The following HABP2 variants were observed in gnomAD, a reference collection of about 807,000 sequenced individuals.
HABP2 encodes hyaluronan binding protein 2.
Under a neutral mutation model 66.5 loss-of-function variants are expected in HABP2, and 65 were observed. That is an observed-to-expected ratio of 0.98 (90% CI 0.80 to 1.20). The LOEUF (loss-of-function observed/expected upper bound fraction) is 1.20, where lower values mean the gene tolerates loss of function less well. Among genes scored for constraint, HABP2 ranks in the 50% most tolerant of loss-of-function variants. The probability of loss-of-function intolerance (pLI) is 0.00; values close to 1 mark genes in which losing one functional copy is unlikely to be tolerated. For missense variants in HABP2, 786 were observed against 691.0 expected (o/e 1.14, Z -1.54); for synonymous variants, 263 against 253.9 (o/e 1.04, Z -0.34).
chr10:113,575,650 G>T (rs975531352), intron 3 of HABP2, among the ~76,000 whole-genome samples: 3 of 152,176 alleles, frequency 2.0e-5, no homozygotes, highest in Non-Finnish European at 4.4e-5. Context: ...AAGCCAGGCC[G>T]AGGGGAGACA....
At chr10:113,565,559 C>T (rs1469187436) in intron 1 of HABP2, among the ~76,000 whole-genome samples, 1 of 152,198 alleles carries the variant, frequency 6.6e-6, no homozygotes, top group African/African-American at 2.4e-5. Context: ...ACCTTGCTTA[C>T]CCTGAGGGTG....
chr10:113,579,298 A>T (rs1845476026), intron 7 of HABP2, among the ~76,000 whole-genome samples: 1 of 152,000 alleles, frequency 6.6e-6, no homozygotes, highest in Non-Finnish European at 1.5e-5. Flanking sequence ...CTAATGTTCC[A>T]TGTGTCATGT....
intron 12 of HABP2, among the ~76,000 whole-genome samples, chr10:113,587,778 T>C (rs1592704738): frequency 6.6e-6 from 1 of 152,220 alleles, no homozygotes; most frequent in East Asian, 1.9e-4. Flanking sequence ...AACTGAGGCC[T>C]AAGGTCACAT....
chr10:113,574,768 AG>A (rs1229953693), intron 3 of HABP2, among the ~76,000 whole-genome samples: 1 of 152,242 alleles, frequency 6.6e-6, no homozygotes, highest in Non-Finnish European at 1.5e-5. Context: ...TCAGACCCTA[AG>A]GATGCAGGAA....
rs188680643 is a variant in HABP2, at chr10:113,568,870, C to T, written c.106+1345C>T. On this transcript the variant is annotated intron_variant, in intron 2 of 12. Coordinates refer to ENST00000351270, the MANE Select transcript of HABP2 (RefSeq NM_004132.5). Reference sequence around the variant, plus strand: ...ACTCAAGGGCCCTTGACTTTACTGCCAGCTGCCAGAAAGTTGTAAGAGACA... The same window carrying T: ...ACTCAAGGGCCCTTGACTTTACTGCTAGCTGCCAGAAAGTTGTAAGAGACA... Among the ~76,000 whole-genome samples the T allele has an allele frequency of 2.6e-5, 4 of 152,304 alleles. No homozygotes were observed. The East Asian group carries it at 7.7e-4, about 29-fold the overall frequency.
intron 2 of HABP2, among the ~76,000 whole-genome samples, chr10:113,570,572 A>T (rs1845287504): frequency 6.6e-6 from 1 of 152,230 alleles, no homozygotes; most frequent in Non-Finnish European, 1.5e-5. Context: ...ACCAAAATTT[A>T]TGGCAGGCTA....
At chr10:113,579,696 G>A (rs1845483072) in intron 7 of HABP2, among the ~76,000 whole-genome samples, 1 of 151,972 alleles carries the variant, frequency 6.6e-6, no homozygotes, top group Non-Finnish European at 1.5e-5. Flanking sequence ...TGAGTCAGAT[G>A]AGTTGCAGGT....
chr10:113,572,854 A>C (rs1457860465), intron 2 of HABP2: 1 of 248,202 alleles, frequency 4.0e-6, no homozygotes, highest in Non-Finnish European at 8.3e-6. Context: ...AAGAAACCAG[A>C]GTTGGCGTAT....
chr10:113,571,428 T>C (rs2133763186), intron 2 of HABP2, among the ~76,000 whole-genome samples: 1 of 151,896 alleles, frequency 6.6e-6, no homozygotes, highest in Non-Finnish European at 1.5e-5. Context: ...AGATACAGAG[T>C]CGAGAGAGAA....
intron 3 of HABP2, among the ~76,000 whole-genome samples, chr10:113,574,671 C>T (rs904438667): frequency 3.9e-5 from 6 of 152,164 alleles, no homozygotes; most frequent in African/African-American, 9.7e-5. Context: ...CAAGGTCATG[C>T]AGCAAGTTAA....
At chr10:113,587,502 AATCT>A (rs5788028) in intron 12 of HABP2, among the ~76,000 whole-genome samples, 54,820 of 151,784 alleles carry the variant, frequency 0.36, 10,071 homozygotes, top group Admixed American at 0.46. Context: ...ATAAAATGGA[AATCT>A]ATCTATAAGA....
In HABP2 at chr10:113,589,198, TTCCTTTTC is replaced by T; in HGVS notation, c.*830_*837del. The T allele has an allele frequency of 1.3e-6, 1 of 756,460 alleles. No homozygotes were observed. The highest frequency in any genetic ancestry group is 2.7e-5 in the Admixed American group (1 of 37,182). 46.9% of individuals were successfully genotyped at this position (756,460 alleles called of 1,614,324 possible). A position where few individuals can be genotyped will look rare whatever the true frequency, so the allele number is the denominator to read the frequency against. ...AGCATTTAACAGGCTCACCCTCCCT[TTCCTTTTC>T]CCCTCTTCTACCCTCCCCAAGAAAA... On this transcript the variant is annotated 3_prime_UTR_variant, in exon 13 of 13. Transcript: ENST00000351270.
In HABP2 at chr10:113,574,400, A is replaced by G; in HGVS notation, c.218A>G (p.Gln73Arg). 7 of 1,480,932 alleles carry G rather than the reference A, an allele frequency of 4.7e-6. No individual in the cohort carries two copies. Among genetic ancestry groups the G allele is most frequent in the Non-Finnish European group, 6.6e-6 (7 of 1,057,394 alleles). 91.7% of individuals were successfully genotyped at this position (1,480,932 alleles called of 1,614,324 possible). A position where few individuals can be genotyped will look rare whatever the true frequency, so the allele number is the denominator to read the frequency against. Residue 73 changes from glutamine to arginine, a missense_variant, in exon 3 of 13, where the codon CAA becomes CGA. By Grantham distance (43) the Gln-to-Arg change is conservative (BLOSUM62 1). Coordinates refer to ENST00000351270, the MANE Select transcript of HABP2 (RefSeq NM_004132.5). ...CCTGACTGGTACTACACTGAGGACC[A>G]AGCTGGTAGGTACCAAATCTCTTTC... is the stretch of plus-strand genomic sequence containing the variant. ...ENPDWYYTED[Q>R]ADPCQPNPCE...
chr10:113,566,220 C>A (rs1343663407), intron 1 of HABP2, among the ~76,000 whole-genome samples: 4 of 152,192 alleles, frequency 2.6e-5, no homozygotes, highest in Non-Finnish European at 5.9e-5. Flanking sequence ...CAGGGTTCAG[C>A]AAACTTTGTA....
intron 1 of HABP2, among the ~76,000 whole-genome samples, chr10:113,561,206 G>T (rs1455848555): frequency 1.3e-5 from 2 of 152,152 alleles, no homozygotes; most frequent in Non-Finnish European, 2.9e-5. Context: ...GGTGGGGAGT[G>T]TATACGTCTA....
chr10:113,553,057 C>G lies in HABP2; in HGVS notation c.-65C>G, dbSNP rs185066511. Reference sequence around the variant, plus strand: ...TCCTTGGAGACTGACATTTTTCCCCCCTAAAGGCATAGACAACAAAAGAAA... The same window carrying G: ...TCCTTGGAGACTGACATTTTTCCCCGCTAAAGGCATAGACAACAAAAGAAA... On this transcript the variant is annotated 5_prime_UTR_variant, in exon 1 of 13. Transcript: ENST00000351270. 58 of 1,198,990 alleles carry G rather than the reference C, an allele frequency of 4.8e-5. No individual in the cohort carries two copies. In the East Asian group the frequency reaches 8.4e-4, roughly 17 times the overall value. The allele number at this position is 1,198,990 out of a possible 1,614,324, so 74.3% of individuals were successfully genotyped here.
intron 12 of HABP2, among the ~76,000 whole-genome samples, chr10:113,587,743 G>A (rs1452086382): frequency 2.0e-5 from 3 of 152,002 alleles, no homozygotes; most frequent in Admixed American, 1.3e-4. Flanking sequence ...GGGATCTATT[G>A]CTATCTATGG....
chr10:113,558,919 A>G (rs1275118594), intron 1 of HABP2, among the ~76,000 whole-genome samples: 1 of 152,002 alleles, frequency 6.6e-6, no homozygotes, highest in East Asian at 1.9e-4. Flanking sequence ...CAATGGCGCA[A>G]TCTTGGCTCA....
chr10:113,578,497 C>T (rs906672824), intron 6 of HABP2, 130 bp from the exon 7 acceptor site: 21 of 676,702 alleles, frequency 3.1e-5, no homozygotes, highest in Non-Finnish European at 5.5e-5. Flanking sequence ...TTCTGAAATT[C>T]GTGGTGAAAT....
Sources: gnomAD v4.1 joint callset for allele counts (sites outside exome capture counted in the v4.1 genomes callset) on GRCh38, gnomAD v4.1.1 for gene constraint, MANE v1.5 for transcripts, NCBI Gene and HGNC (gene_info 2026-07-23, HGNC 2026-07-21) for gene names.